USP39: variants seen among roughly 807,000 people sequenced by gnomAD.
USP39 encodes ubiquitin specific peptidase 39, also known as ubiquitin carboxyl-terminal hydrolase 39.
USP39 carries 38 observed loss-of-function variants against 66.4 expected under a neutral mutation model. The ratio of observed to expected loss-of-function variants is 0.57; its 90% confidence interval spans 0.44 to 0.75. USP39 has a LOEUF of 0.75. Ranked by LOEUF, USP39 falls within the 30% of genes least tolerant of loss-of-function variation. The pLI is 0.00. For synonymous variants in USP39, 303 were observed against 274.6 expected (o/e 1.10, Z -1.02); for missense variants, 608 against 714.4 (o/e 0.85, Z 1.70).
rs138332182 is a variant in USP39 at position 85,640,897 on chromosome 2, C to T, written c.1285-79C>T. On this transcript the variant is annotated intron_variant, in intron 9 of 12. Coordinates refer to ENST00000323701, the MANE Select transcript of USP39 (RefSeq NM_006590.4). Reference sequence around the variant, plus strand: ...GAGGCAAAATTATATTTTAAAAAATCGAAATGAAAAACTCATGCCCCTGCT... The same window carrying T: ...GAGGCAAAATTATATTTTAAAAAATTGAAATGAAAAACTCATGCCCCTGCT... The T allele has an allele frequency of 5.8e-5, 76 of 1,300,798 alleles. No homozygotes were observed. The South Asian group carries it at 7.6e-4, about 13-fold the overall frequency. The allele number at this position is 1,300,798 out of a possible 1,614,324, so 80.6% of individuals were successfully genotyped here. A position where few individuals can be genotyped will look rare whatever the true frequency, so the allele number is the denominator to read the frequency against.
chr2:85,644,703 A>G (rs931794846), intron 10 of USP39, among the ~76,000 whole-genome samples: 1 of 151,594 alleles, frequency 6.6e-6, no homozygotes, highest in Non-Finnish European at 1.5e-5. Context: ...GATTATAGGT[A>G]TGAGCCACTG....
At chr2:85,623,500 TG>T in intron 3 of USP39, 145 bp from the exon 4 acceptor site, 1 of 1,185,036 alleles carries the variant, frequency 8.4e-7, no homozygotes. Context: ...GAACTTCATG[TG>T]GAGGATTCAT....
At chr2:85,640,882 T>A in intron 9 of USP39, 94 bp from the exon 10 acceptor site, 1 of 1,217,600 alleles carries the variant, frequency 8.2e-7, no homozygotes, top group South Asian at 1.6e-5. Flanking sequence ...GAGGCAAAAT[T>A]ATATTTTAAA....
chr2:85,612,518 C>T (rs903287805), upstream of USP39, among the ~76,000 whole-genome samples: 4 of 152,212 alleles, frequency 2.6e-5, no homozygotes, highest in African/African-American at 7.2e-5. Context: ...GCAACAGCGG[C>T]GCCCAGGCCG....
Position 85,641,002 on chromosome 2 carries a change from T to C in USP39, c.1311T>C (p.Phe437=), listed in dbSNP as rs1470299231. ...AATATAAGACTTACAAGGAGAACTT[T>C]CTGAAGCGCTTCCAGCTTACCAAGT... ...EKEYKTYKEN[F]LKRFQLTKLP... is the part of the protein sequence containing the mutation. The change falls in exon 10 of 13, where the codon TTT becomes TTC. Residue 437 remains phenylalanine (F), a synonymous_variant. Coordinates refer to ENST00000323701, the MANE Select transcript of USP39 (RefSeq NM_006590.4). The C allele has an allele frequency of 6.2e-7, 1 of 1,612,186 alleles. No homozygotes were observed. Among genetic ancestry groups the C allele is most frequent in the African/African-American group, 1.3e-5 (1 of 74,744 alleles).
chr2:85,628,141 T>C (rs1196794315), intron 5 of USP39, among the ~76,000 whole-genome samples: 1 of 152,146 alleles, frequency 6.6e-6, no homozygotes, highest in African/African-American at 2.4e-5. Context: ...CTCTCATGGC[T>C]GCGTGAAAAC....
chr2:85,635,022 C>G (rs1675651997), intron 6 of USP39, among the ~76,000 whole-genome samples: 1 of 152,202 alleles, frequency 6.6e-6, no homozygotes, highest in African/African-American at 2.4e-5. Context: ...TTTCCTCCAT[C>G]TCTGAGACCT....
intron 5 of USP39, among the ~76,000 whole-genome samples, chr2:85,627,418 A>G (rs917432761): frequency 6.6e-6 from 1 of 152,030 alleles, no homozygotes; most frequent in Non-Finnish European, 1.5e-5. Context: ...TGGTAAGTAT[A>G]ATAAGAAAAC....
intron 1 of USP39, among the ~76,000 whole-genome samples, chr2:85,606,026 CCTTGGAAACTCAG>C (rs1169367421): frequency 6.6e-6 from 1 of 152,232 alleles, no homozygotes; most frequent in African/African-American, 2.4e-5. Context: ...AGCCCCAAAC[CCTTGGAAACTCAG>C]CTTCGTTCTA....
At chr2:85,623,462 A>C (rs1674616037) in intron 3 of USP39, among the ~76,000 whole-genome samples, 184 bp from the exon 4 acceptor site, 1 of 151,946 alleles carries the variant, frequency 6.6e-6, no homozygotes, top group Non-Finnish European at 1.5e-5. Context: ...CTAATGTGCT[A>C]GTCTTTCTTG....
chr2:85,648,289 G>A (rs377118510), intron 12 of USP39, among the ~76,000 whole-genome samples: 9 of 152,264 alleles, frequency 5.9e-5, no homozygotes, highest in African/African-American at 1.7e-4. Context: ...AGAAGTGTGC[G>A]GTCTGGTTTC....
intron 8 of USP39, among the ~76,000 whole-genome samples, chr2:85,638,456 C>T (rs1675962256): frequency 6.6e-6 from 1 of 152,120 alleles, no homozygotes; most frequent in Non-Finnish European, 1.5e-5. Context: ...ACCTCAACCT[C>T]CCCAGAAACT....
At chr2:85,647,260 C>T (rs184029450) in intron 11 of USP39, among the ~76,000 whole-genome samples, 1 of 152,238 alleles carries the variant, frequency 6.6e-6, no homozygotes, top group East Asian at 1.9e-4. Flanking sequence ...TCTAGTCTGT[C>T]ATTTCTGAGC....
At position 85,641,104 on chromosome 2, in the gene USP39, C is replaced by G. The variant is rs1676203189; in HGVS notation, c.1413C>G (p.Val471=). The change falls in exon 10 of 13, where the codon GTC becomes GTG. Residue 471 remains valine (V), a synonymous_variant. Coordinates refer to ENST00000323701, the MANE Select transcript of USP39 (RefSeq NM_006590.4). ...TTGTTGAGAAGAATCCAACTATTGTCAATTTCCCTATTACGTAAGTAACAT... is the reference window on the plus strand; with the variant it reads ...TTGTTGAGAAGAATCCAACTATTGTGAATTTCCCTATTACGTAAGTAACAT... ...NFFVEKNPTI[V]NFPITNVDLR... 4.3e-6 allele frequency: 7 copies of G among 1,612,692 alleles called. No homozygotes were observed. The highest frequency in any genetic ancestry group is 5.9e-6 in the Non-Finnish European group (7 of 1,179,646).
chr2:85,643,007 T>G (rs186302219), intron 10 of USP39, among the ~76,000 whole-genome samples: 1 of 149,754 alleles, frequency 6.7e-6, no homozygotes. Context: ...GAGGCCGAGG[T>G]GGGAGAATTG....
At chr2:85,617,503 T>C (rs1001361120) in intron 1 of USP39, among the ~76,000 whole-genome samples, 3 of 152,110 alleles carry the variant, frequency 2.0e-5, no homozygotes, top group Non-Finnish European at 2.9e-5. Flanking sequence ...AGAAATGGTG[T>C]CTCCCTACAA....
chr2:85,605,608 T>C (rs1673185438), intron 1 of USP39, among the ~76,000 whole-genome samples: 1 of 152,246 alleles, frequency 6.6e-6, no homozygotes, highest in African/African-American at 2.4e-5. Context: ...CAACATTCCA[T>C]GGTGACTCTC....
At chr2:85,633,929 C>T (rs1675567244) in intron 6 of USP39, among the ~76,000 whole-genome samples, 3 of 145,216 alleles carry the variant, frequency 2.1e-5, no homozygotes, top group Non-Finnish European at 4.5e-5. Flanking sequence ...GCTCCGCCTC[C>T]CGGGTTCACG....
At chr2:85,643,905 G>C (rs548085479) in intron 10 of USP39, among the ~76,000 whole-genome samples, 1 of 151,942 alleles carries the variant, frequency 6.6e-6, no homozygotes, top group Non-Finnish European at 1.5e-5. Flanking sequence ...TGCCCGCCTC[G>C]GCCTCCCAAA....
Sources: allele counts gnomAD v4.1 joint callset (sites outside exome capture counted in the v4.1 genomes callset), GRCh38; gene constraint gnomAD v4.1.1; transcripts MANE v1.5; gene names NCBI Gene and HGNC (gene_info 2026-07-23, HGNC 2026-07-21).